CST8: variants seen among roughly 807,000 people sequenced by gnomAD.
CST8 encodes cystatin-8.
CST8 carries 20 observed loss-of-function variants against 11.8 expected under a neutral mutation model. The ratio of observed to expected loss-of-function variants is 1.70; its 90% CI spans 1.20 to 2.47. CST8 has a LOEUF of 2.47. Among genes scored for constraint, CST8 ranks in the 30% most tolerant of loss-of-function variants. The pLI is 0.00. For synonymous variants in CST8, 77 were observed against 63.1 expected (o/e 1.22, Z -1.05); for missense variants, 196 against 167.2 (o/e 1.17, Z -0.95).
In CST8 at chr20:23,491,710, C is replaced by A; in HGVS notation, c.43C>A (p.Pro15Thr). The change falls in exon 2 of 4, where the codon CCC becomes ACC. Residue 15 changes from proline to threonine, a missense_variant. Physicochemically the swap from Pro to Thr is conservative, Grantham distance 38 (BLOSUM62 -1). Coordinates refer to ENST00000246012, the MANE Select transcript of CST8 (RefSeq NM_005492.4). ...GCTCTCCCTGATCCTCCTCACCATT[C>A]CCCTGGCCCTGGTGGCCAGGAAAGA... Reference protein sequence around the residue: ...RWLSLILLTIPLALVARKDPK... With the variant: ...RWLSLILLTITLALVARKDPK... The A allele has an allele frequency of 6.2e-7, 1 of 1,614,024 alleles. No individual in the cohort carries two copies. The highest frequency in any genetic ancestry group is 1.1e-5 in the South Asian group (1 of 91,086).
At position 23,491,623 on chromosome 20, in the gene CST8, A is replaced by G; in HGVS notation, c.-45A>G. ...CATCCTGCCCACAGCTCCAGCCCTGAGACGACGAGGAGGAGAGTCGACTTT... is the reference window on the plus strand; with the variant it reads ...CATCCTGCCCACAGCTCCAGCCCTGGGACGACGAGGAGGAGAGTCGACTTT... On this transcript the variant is annotated 5_prime_UTR_variant, in exon 2 of 4. Transcript: ENST00000246012. 1 of 1,489,884 alleles carries G rather than the reference A, an allele frequency of 6.7e-7. No homozygotes were observed. The highest frequency in any genetic ancestry group is 9.4e-7 in the Non-Finnish European group (1 of 1,069,416). 92.3% of individuals were successfully genotyped at this position (1,489,884 alleles called of 1,614,324 possible).
chr20:23,491,769 A>T lies in CST8; in HGVS notation c.102A>T (p.Lys34Asn), dbSNP rs780613859. The T allele has an allele frequency of 1.2e-6, 2 of 1,614,132 alleles. No individual in the cohort carries two copies. The highest frequency in any genetic ancestry group is 1.7e-6 in the Non-Finnish European group (2 of 1,179,968). Residue 34 changes from lysine to asparagine, a missense_variant, in exon 2 of 4, where the codon AAA becomes AAT. Physicochemically the swap from Lys to Asn is moderately conservative, Grantham distance 94 (BLOSUM62 0). Transcript: ENST00000246012. ...PKKNETGVLR[K>N]LKPVNASNAN... ...AGAATGAGACAGGGGTGCTGAGGAA[A>T]TTAAAACCCGTCAATGCCTCAAATG...
the CST8 span, among the ~76,000 whole-genome samples, chr20:23,504,194 A>G: frequency 9.7e-4 from 148 of 152,336 alleles, 1 homozygote; most frequent in African/African-American, 3.3e-3. Context: ...TCCTGAAGCC[A>G]CCGGCTATGT....
chr20:23,491,498 G>A (rs1481346241), intron 1 of CST8, 27 bp from the exon 2 acceptor site: 1 of 617,742 alleles, frequency 1.6e-6, no homozygotes, highest in African/African-American at 1.8e-5. Flanking sequence ...CCCAAAGAGT[G>A]ACCCTAATGG....
chr20:23,497,066 A>C (rs908819742), downstream of CST8, among the ~76,000 whole-genome samples: 1 of 152,224 alleles, frequency 6.6e-6, no homozygotes, highest in South Asian at 2.1e-4. Context: ...TACGAAAATG[A>C]CAGGATTAAG....
chr20:23,496,082 G>T (rs984609982), downstream of CST8: 2 of 593,822 alleles, frequency 3.4e-6, no homozygotes, highest in African/African-American at 3.8e-5. Flanking sequence ...GCATGTCCAG[G>T]TCCTCTTTGC....
intron 3 of CST8, among the ~76,000 whole-genome samples, chr20:23,494,237 TC>T (rs1358949842): frequency 1.3e-5 from 2 of 152,184 alleles, no homozygotes; most frequent in Non-Finnish European, 2.9e-5. Flanking sequence ...TTATATTTTC[TC>T]CCGGGCTTTT....
chr20:23,493,296 A>T (rs1987947783), intron 3 of CST8, among the ~76,000 whole-genome samples: 1 of 152,094 alleles, frequency 6.6e-6, no homozygotes, highest in Admixed American at 6.5e-5. Flanking sequence ...TGTTGTCAAG[A>T]CCACTCTTAT....
At chr20:23,497,673 A>G (rs934763635), downstream of CST8, among the ~76,000 whole-genome samples, 3 of 152,226 alleles carry the variant, frequency 2.0e-5, no homozygotes, top group African/African-American at 7.2e-5. Context: ...GTGAATAAGG[A>G]GCAAAGTCAT....
chr20:23,503,445 C>G, the CST8 span, among the ~76,000 whole-genome samples: 2 of 151,940 alleles, frequency 1.3e-5, no homozygotes, highest in African/African-American at 4.8e-5. Flanking sequence ...TAATATGAGG[C>G]GTCATGGAAT....
downstream of CST8, among the ~76,000 whole-genome samples, chr20:23,496,229 G>T (rs137920892): frequency 0.026 from 3,944 of 151,830 alleles, 79 homozygotes; most frequent in African/African-American, 0.055. Flanking sequence ...GATATCAGGT[G>T]AAATTCACCC....
intron 3 of CST8, 51 bp from the exon 4 acceptor site, chr20:23,495,775 CTTTTT>C (rs11482296): frequency 6.0e-4 from 555 of 932,302 alleles, no homozygotes; most frequent in Admixed American, 8.6e-4. Context: ...TTTTTCTTTT[CTTTTT>C]TTTTTTTTTT....
At position 23,491,333 on chromosome 20, in the gene CST8, G is replaced by A. The variant is rs1987872725; in HGVS notation, c.-153G>A. 3.1e-5 allele frequency: 10 copies of A among 318,382 alleles called. No individual in the cohort carries two copies. Among genetic ancestry groups the A allele is most frequent in the South Asian group, 2.5e-4 (6 of 24,220 alleles). 19.7% of individuals were successfully genotyped at this position (318,382 alleles called of 1,614,324 possible). A position where few individuals can be genotyped will look rare whatever the true frequency, so the allele number is the denominator to read the frequency against. On this transcript the variant is annotated 5_prime_UTR_variant, in exon 1 of 4. Coordinates refer to ENST00000246012, the MANE Select transcript of CST8 (RefSeq NM_005492.4). ...CTGAGAAGCAGATAACAAGAGTGAC[G>A]CTCACAGGGGTAGGCATAGACACAC...
chr20:23,491,698 C>T lies in CST8; in HGVS notation c.31C>T (p.Leu11Phe). MPRCRWLSLI[L>F]LTIPLALVAR... The stretch of plus-strand genomic sequence containing the variant: ...CAGGTGCCGGTGGCTCTCCCTGATC[C>T]TCCTCACCATTCCCCTGGCCCTGGT... The change falls in exon 2 of 4, where the codon CTC (leucine) becomes TTC (phenylalanine). Residue 11 changes from leucine (L) to phenylalanine (F), a missense_variant. Transcript: ENST00000246012. 1 of 1,613,982 alleles carries T rather than the reference C, an allele frequency of 6.2e-7. No individual in the cohort carries two copies.
At chr20:23,502,129 G>C in the CST8 span, among the ~76,000 whole-genome samples, 1,173 of 152,264 alleles carry the variant, frequency 7.7e-3, 13 homozygotes, top group African/African-American at 0.026. Flanking sequence ...GTGGAATTTT[G>C]CCTTGACTTC....
chr20:23,502,247 C>T, the CST8 span, among the ~76,000 whole-genome samples: 1 of 152,104 alleles, frequency 6.6e-6, no homozygotes, highest in Non-Finnish European at 1.5e-5. Flanking sequence ...CCCATGAGAC[C>T]AAATAGTTTG....
the CST8 span, among the ~76,000 whole-genome samples, chr20:23,503,498 C>G: frequency 1.4e-4 from 22 of 152,016 alleles, no homozygotes; most frequent in Admixed American, 1.3e-3. Flanking sequence ...TATGTCTCAA[C>G]AAAACATACT....
At chr20:23,496,098 C>T, downstream of CST8, 4 of 576,864 alleles carry the variant, frequency 6.9e-6, no homozygotes, top group Non-Finnish European at 1.2e-5. Context: ...TTTGCTGGCA[C>T]CGAACACAGC....
chr20:23,493,442 C>T (rs2236085), intron 3 of CST8, among the ~76,000 whole-genome samples: 57,312 of 152,116 alleles, frequency 0.38, 12,083 homozygotes, highest in Non-Finnish European at 0.47. Context: ...CCCATACAGA[C>T]ACAAAAGGAA....
Sources: gnomAD v4.1 joint callset for allele counts (sites outside exome capture counted in the v4.1 genomes callset) on GRCh38, gnomAD v4.1.1 for gene constraint, MANE v1.5 for transcripts, NCBI Gene and HGNC (gene_info 2026-07-23, HGNC 2026-07-21) for gene names.